The following CXCL17 variants were observed in gnomAD, a reference collection of about 807,000 sequenced individuals.
The protein encoded by CXCL17 is C-X-C motif chemokine ligand 17.
Under a neutral mutation model 15.5 loss-of-function variants are expected in CXCL17, and 9 were observed. That is an observed-to-expected ratio of 0.58 (90% CI 0.35 to 1.01). CXCL17 has a LOEUF of 1.01. CXCL17 is among the 50% of genes least tolerant of loss of function. The pLI is 0.02. For missense variants in CXCL17, 133 were observed against 138.2 expected (o/e 0.96, Z 0.19); for synonymous variants, 52 against 52.3 (o/e 0.99, Z 0.02).
At chr19:42,438,382 ATATATATAT>A (rs1252270331) in intron 1 of CXCL17, among the ~76,000 whole-genome samples, 1 of 50,076 alleles carries the variant, frequency 2.0e-5, no homozygotes, top group Admixed American at 3.3e-4. Context: ...AAAAAAAAAA[ATATATATAT>A]ATATATATAT....
At chr19:42,431,701 A>G (rs2040783153) in intron 3 of CXCL17, among the ~76,000 whole-genome samples, 1 of 149,596 alleles carries the variant, frequency 6.7e-6, no homozygotes, top group Non-Finnish European at 1.5e-5. Flanking sequence ...TTTTATTATT[A>G]TTGTTATTAT....
At position 42,433,836 on chromosome 19, in the gene CXCL17, C is replaced by T. The variant is rs766369739; in HGVS notation, c.100G>A (p.Asp34Asn). 2 of 1,613,924 alleles carry T rather than the reference C, an allele frequency of 1.2e-6. No homozygotes were observed. Among genetic ancestry groups the T allele is most frequent in the South Asian group, 1.1e-5 (1 of 91,074 alleles). The part of the protein sequence containing the change: ...LNPGVARGHR[D>N]RGQASRRWLQ... ...CATCTCCTAGAAGCCTGGCCTCGGTCCCTGTGGCCTCTGGCGACCCCTGTC... is the reference window on the plus strand; with the variant it reads ...CATCTCCTAGAAGCCTGGCCTCGGTTCCTGTGGCCTCTGGCGACCCCTGTC... Residue 34 changes from aspartate (D) to asparagine (N), a missense_variant, in exon 2 of 4, where the codon GAC (aspartate) becomes AAC (asparagine). By Grantham distance (23) the Asp-to-Asn change is conservative. Coordinates refer to ENST00000601181, the MANE Select transcript of CXCL17 (RefSeq NM_198477.3).
At chr19:42,430,124 C>T (rs2040762958) in intron 3 of CXCL17, among the ~76,000 whole-genome samples, 1 of 151,982 alleles carries the variant, frequency 6.6e-6, no homozygotes, top group Non-Finnish European at 1.5e-5. Flanking sequence ...CACTGCACTC[C>T]AGCCTGGGTG....
intron 1 of CXCL17, among the ~76,000 whole-genome samples, chr19:42,440,523 G>A (rs1171929974): frequency 6.6e-6 from 1 of 152,148 alleles, no homozygotes; most frequent in Non-Finnish European, 1.5e-5. Flanking sequence ...CCCTGGTGGC[G>A]CAGGGAGCTT....
At position 42,442,917 on chromosome 19, in the gene CXCL17, C is replaced by G; in HGVS notation, c.-85G>C. 1 of 1,031,374 alleles carries G rather than the reference C, an allele frequency of 9.7e-7. No individual in the cohort carries two copies. The highest frequency in any genetic ancestry group is 1.4e-5 in the South Asian group (1 of 70,740). The allele number at this position is 1,031,374 out of a possible 1,614,324, so 63.9% of individuals were successfully genotyped here. ...AGGCTCCTGATCCCTGGGGATGACT[C>G]AGGTCAGGATACTCAGCCTGGTGGT... On this transcript the variant is annotated 5_prime_UTR_variant, in exon 1 of 4. Transcript: ENST00000601181.
chr19:42,432,233 C>T (rs2040790213), intron 3 of CXCL17, among the ~76,000 whole-genome samples: 1 of 151,340 alleles, frequency 6.6e-6, no homozygotes, highest in Admixed American at 6.6e-5. Flanking sequence ...CAACCTCCAC[C>T]TCCCGGATTA....
At position 42,433,829 on chromosome 19, in the gene CXCL17, C is replaced by T; in HGVS notation, c.107G>A (p.Gly36Asp). 6.2e-7 allele frequency: 1 copy of T among 1,614,060 alleles called. No homozygotes were observed. Among genetic ancestry groups the T allele is most frequent in the South Asian group, 1.1e-5 (1 of 91,080 alleles). ...CTGGAGCCATCTCCTAGAAGCCTGG[C>T]CTCGGTCCCTGTGGCCTCTGGCGAC... is the stretch of plus-strand genomic sequence containing the variant. The part of the protein sequence containing the change: ...PGVARGHRDR[G>D]QASRRWLQEG... The change falls in exon 2 of 4, where the codon GGC becomes GAC. Residue 36 changes from glycine to aspartate, a missense_variant. Transcript: ENST00000601181.
At chr19:42,436,306 A>T (rs1011338314) in intron 1 of CXCL17, among the ~76,000 whole-genome samples, 2 of 152,158 alleles carry the variant, frequency 1.3e-5, no homozygotes, top group African/African-American at 4.8e-5. Flanking sequence ...CAATGTTCTC[A>T]TGTGCTGTTT....
At chr19:42,433,470 G>A (rs562107903) in intron 2 of CXCL17, among the ~76,000 whole-genome samples, 2 of 152,082 alleles carry the variant, frequency 1.3e-5, no homozygotes, top group East Asian at 1.9e-4. Context: ...TAGGATTCAG[G>A]AAGCTTTTGG....
chr19:42,442,698 G>T (rs964089031), intron 1 of CXCL17, 56 bp downstream of exon 1: 1 of 1,254,976 alleles, frequency 8.0e-7, no homozygotes, highest in Admixed American at 1.7e-5. Flanking sequence ...TGTGTCTGTG[G>T]CCTGTTTTGC....
chr19:42,442,894 G>T lies in CXCL17; in HGVS notation c.-62C>A. On this transcript the variant is annotated 5_prime_UTR_variant, in exon 1 of 4. Transcript: ENST00000601181. ...TATAATGGAAGGTTCCCTGCTGGAGGCTCCTGATCCCTGGGGATGACTCAG... is the reference window on the plus strand; with the variant it reads ...TATAATGGAAGGTTCCCTGCTGGAGTCTCCTGATCCCTGGGGATGACTCAG... 2 of 1,304,554 alleles carry T rather than the reference G, an allele frequency of 1.5e-6. No individual in the cohort carries two copies. The highest frequency in any genetic ancestry group is 2.2e-6 in the Non-Finnish European group (2 of 911,280). The allele number at this position is 1,304,554 out of a possible 1,614,324, so 80.8% of individuals were successfully genotyped here. A position where few individuals can be genotyped will look rare whatever the true frequency, so the allele number is the denominator to read the frequency against.
chr19:42,433,461 AG>A (rs1171204725), intron 2 of CXCL17, among the ~76,000 whole-genome samples: 3 of 152,180 alleles, frequency 2.0e-5, no homozygotes, highest in Non-Finnish European at 4.4e-5. Flanking sequence ...GGCTGAGAAT[AG>A]GATTCAGGAA....
chr19:42,436,408 C>G (rs1847355867), intron 1 of CXCL17, among the ~76,000 whole-genome samples: 1 of 152,066 alleles, frequency 6.6e-6, no homozygotes, highest in African/African-American at 2.4e-5. Context: ...ACTCCTAGTT[C>G]CAGAGAAAAA....
At position 42,433,035 on chromosome 19, in the gene CXCL17, G is replaced by C. The variant is rs1329484882; in HGVS notation, c.203C>G (p.Ser68Cys). ...GGGGCACTGCTTCTTTGGCAGCCCAGACACTGTCATGAATTTTCTTCTCGG... is the reference window on the plus strand; with the variant it reads ...GGGGCACTGCTTCTTTGGCAGCCCACACACTGTCATGAATTTTCTTCTCGG... ...RAPRRKFMTVSGLPKKQCPCD... is the reference protein window; with the variant it reads ...RAPRRKFMTVCGLPKKQCPCD... Residue 68 changes from serine (S) to cysteine (C), a missense_variant, in exon 3 of 4, where the codon TCT becomes TGT. By Grantham distance (112) the Ser-to-Cys change is moderately radical. Coordinates refer to ENST00000601181, the MANE Select transcript of CXCL17 (RefSeq NM_198477.3). The C allele has an allele frequency of 6.2e-7, 1 of 1,614,114 alleles. No individual in the cohort carries two copies. Among genetic ancestry groups the C allele is most frequent in the African/African-American group, 1.3e-5 (1 of 75,060 alleles).
chr19:42,435,433 C>T (rs898694815), intron 1 of CXCL17, among the ~76,000 whole-genome samples: 15 of 152,264 alleles, frequency 9.9e-5, no homozygotes, highest in African/African-American at 3.4e-4. Flanking sequence ...CCATAACCCC[C>T]AGTACCTCAG....
intron 1 of CXCL17, 132 bp from the exon 2 acceptor site, chr19:42,433,988 G>T: frequency 1.6e-6 from 1 of 621,886 alleles, no homozygotes; most frequent in Non-Finnish European, 2.8e-6. Flanking sequence ...TACTTCAAGA[G>T]ATGAATATTT....
intron 1 of CXCL17, among the ~76,000 whole-genome samples, chr19:42,439,290 A>G (rs2040869263): frequency 6.6e-6 from 1 of 151,752 alleles, no homozygotes; most frequent in Non-Finnish European, 1.5e-5. Flanking sequence ...AGAAAAAGGA[A>G]TAACTCTTTC....
At chr19:42,434,656 A>G (rs540953577) in intron 1 of CXCL17, among the ~76,000 whole-genome samples, 1 of 151,590 alleles carries the variant, frequency 6.6e-6, no homozygotes, top group South Asian at 2.1e-4. Context: ...TCTGGAGCTC[A>G]TGGGCGTAAG....
chr19:42,430,646 C>T (rs922173522), intron 3 of CXCL17, among the ~76,000 whole-genome samples: 17 of 151,458 alleles, frequency 1.1e-4, no homozygotes, highest in Admixed American at 4.6e-4. Flanking sequence ...GCCAACAGCA[C>T]CCCTCCTTTT....
Sources: gnomAD v4.1 joint callset for allele counts (sites outside exome capture counted in the v4.1 genomes callset) on GRCh38, gnomAD v4.1.1 for gene constraint, MANE v1.5 for transcripts, NCBI Gene and HGNC (gene_info 2026-07-23, HGNC 2026-07-21) for gene names.